ESRRG: variants seen among roughly 807,000 people sequenced by gnomAD.
The protein encoded by ESRRG is estrogen-related receptor gamma.
ESRRG carries 13 observed loss-of-function variants against 44.0 expected under a neutral mutation model. The ratio of observed to expected loss-of-function variants is 0.30; its 90% CI spans 0.19 to 0.47. The LOEUF is 0.47. Ranked by LOEUF, ESRRG falls within the 20% of genes least tolerant of loss-of-function variation. ESRRG has a pLI of 1.00. For synonymous variants in ESRRG, 215 were observed against 214.6 expected, an observed-to-expected ratio of 1.00 and a Z score of -0.02; for missense variants, 395 against 580.6, an observed-to-expected ratio of 0.68 and a Z score of 3.29.
At chr1:216,754,146 A>G (rs2092292938) in intron 2 of ESRRG, among the ~76,000 whole-genome samples, 1 of 152,072 alleles carries the variant, frequency 6.6e-6, no homozygotes, top group Non-Finnish European at 1.5e-5. Flanking sequence ...AGATGGAGGA[A>G]AAACAAAAAC....
intron 1 of ESRRG, among the ~76,000 whole-genome samples, chr1:217,104,894 C>A (rs925034999): frequency 6.6e-6 from 1 of 152,204 alleles, no homozygotes; most frequent in African/African-American, 2.4e-5. Flanking sequence ...GATGCAGCTT[C>A]CATTGTGAGT....
chr1:216,558,234 A>T (rs970998802), intron 5 of ESRRG, among the ~76,000 whole-genome samples: 1 of 151,958 alleles, frequency 6.6e-6, no homozygotes, highest in South Asian at 2.1e-4. Context: ...ATTTCAGATT[A>T]TTTTTTTCAA....
intron 3 of ESRRG, among the ~76,000 whole-genome samples, chr1:216,572,553 A>G (rs183675224): frequency 2.0e-5 from 3 of 152,122 alleles, no homozygotes; most frequent in African/African-American, 7.2e-5. Flanking sequence ...TTCTATTTTT[A>G]ATGTTTTTTC....
chr1:216,939,357 A>C (rs951426257), intron 2 of ESRRG, among the ~76,000 whole-genome samples: 23 of 134,816 alleles, frequency 1.7e-4, no homozygotes, highest in Non-Finnish European at 2.7e-4. Context: ...AAAAAAAAAA[A>C]AAAAAAAAAA....
chr1:216,709,230 CA>C (rs2083076600), intron 1 of ESRRG, among the ~76,000 whole-genome samples: 1 of 151,608 alleles, frequency 6.6e-6, no homozygotes, highest in South Asian at 2.1e-4. Context: ...AAAAAGAAAT[CA>C]GTGTAATGAC....
intron 2 of ESRRG, among the ~76,000 whole-genome samples, chr1:216,918,689 G>A (rs2061475093): frequency 6.6e-6 from 1 of 151,788 alleles, no homozygotes; most frequent in South Asian, 2.1e-4. Flanking sequence ...AACTGATTGT[G>A]CTTTGAGTTA....
At chr1:216,694,643 TG>T (rs1336384425) in intron 1 of ESRRG, among the ~76,000 whole-genome samples, 1 of 152,006 alleles carries the variant, frequency 6.6e-6, no homozygotes, top group Non-Finnish European at 1.5e-5. Context: ...TGAAGCCTCT[TG>T]ACCTTCTGGG....
chr1:216,539,467 T>C (rs2052024860), intron 5 of ESRRG, among the ~76,000 whole-genome samples: 1 of 152,000 alleles, frequency 6.6e-6, no homozygotes, highest in Non-Finnish European at 1.5e-5. Context: ...TACCTTGTTT[T>C]CAGCCACCCT....
Position 216,511,206 on chromosome 1 carries a change from A to G in ESRRG, c.1133-4023T>C, listed in dbSNP as rs147892042. Among the ~76,000 whole-genome samples the G allele has an allele frequency of 5.7e-3, 875 of 152,278 alleles. 8 individuals are homozygous for G. The highest frequency in any genetic ancestry group is 0.019 in the African/African-American group (802 of 41,556). Reference sequence around the variant, plus strand: ...GGGACTCTCTCCAATCATTGAATGAATGAAACAGAATGTCATGGAAAGAAT... The same window carrying G: ...GGGACTCTCTCCAATCATTGAATGAGTGAAACAGAATGTCATGGAAAGAAT... On this transcript the variant is annotated intron_variant, in intron 6 of 6. Transcript: ENST00000408911.
chr1:216,939,343 C>CAAAAAAAAAAATAAA (rs2064744162), intron 2 of ESRRG, among the ~76,000 whole-genome samples: 1 of 50,078 alleles, frequency 2.0e-5, no homozygotes, highest in African/African-American at 5.9e-5. Context: ...TACACATAGA[C>CAAAAAAAAAAATAAA]AAAAAAAAAA....
intron 1 of ESRRG, among the ~76,000 whole-genome samples, chr1:217,051,207 G>GGGGC (rs1553259250): frequency 7.9e-6 from 1 of 127,290 alleles, no homozygotes; most frequent in African/African-American, 2.8e-5. Flanking sequence ...ATGGGGGCGG[G>GGGGC]GGGGGGGGGT....
At chr1:216,799,619 C>T (rs568606590) in intron 2 of ESRRG, among the ~76,000 whole-genome samples, 41 of 152,030 alleles carry the variant, frequency 2.7e-4, no homozygotes, top group African/African-American at 9.2e-4. Flanking sequence ...AGAATGTATA[C>T]GAAAGAAAAT....
chr1:216,743,245 T>C (rs182300866), intron 2 of ESRRG, among the ~76,000 whole-genome samples: 1 of 152,222 alleles, frequency 6.6e-6, no homozygotes, highest in East Asian at 1.9e-4. Flanking sequence ...GAAAAGCCAT[T>C]GAGTAGAGAA....
chr1:216,869,044 G>A (rs1165883642), intron 2 of ESRRG, among the ~76,000 whole-genome samples: 1 of 152,106 alleles, frequency 6.6e-6, no homozygotes, highest in African/African-American at 2.4e-5. Flanking sequence ...AATAGTGAGA[G>A]TGCAAACATT....
chr1:216,818,352 G>A (rs532521521), intron 2 of ESRRG, among the ~76,000 whole-genome samples: 1 of 152,348 alleles, frequency 6.6e-6, no homozygotes, highest in African/African-American at 2.4e-5. Flanking sequence ...AGGGAGATGA[G>A]AGTGCCTATC....
rs147234157 is a variant in ESRRG at position 216,791,387 on chromosome 1, C to T, written c.-13-113896G>A. ...GATTGCAAGCTTCCTGAGGACTCCC[C>T]AGAAGCAGATGCCACTATGCTTCCT... is the stretch of plus-strand genomic sequence containing the variant. On this transcript the variant is annotated intron_variant, in intron 2 of 7. Coordinates refer to the ESRRG transcript ENST00000359162. 6.1e-3 allele frequency among the ~76,000 whole-genome samples: 932 copies of T among 152,208 alleles called. 4 individuals are homozygous for T. The highest frequency in any genetic ancestry group is 0.024 in the Middle Eastern group (7 of 294).
intron 2 of ESRRG, among the ~76,000 whole-genome samples, chr1:216,665,246 T>C (rs1047501272): frequency 1.3e-5 from 2 of 151,928 alleles, no homozygotes; most frequent in African/African-American, 4.8e-5. Flanking sequence ...TATGTATGTA[T>C]AGAAAAAAAA....
intron 1 of ESRRG, among the ~76,000 whole-genome samples, chr1:216,687,692 C>T (rs1346730418): frequency 1.3e-5 from 2 of 152,174 alleles, no homozygotes. Context: ...CTCTAGACCA[C>T]TCCAAGGTCA....
At chr1:217,048,133 G>A (rs2085222716) in intron 1 of ESRRG, among the ~76,000 whole-genome samples, 1 of 152,174 alleles carries the variant, frequency 6.6e-6, no homozygotes, top group Non-Finnish European at 1.5e-5. Flanking sequence ...AGTTAGCAGA[G>A]AGTAAGTGTA....
Sources: allele counts gnomAD v4.1 joint callset (sites outside exome capture counted in the v4.1 genomes callset), GRCh38; gene constraint gnomAD v4.1.1; transcripts MANE v1.5; gene names NCBI Gene and HGNC (gene_info 2026-07-23, HGNC 2026-07-21).